Variants in WFDC10B observed in about 807,000 individuals in gnomAD.
WFDC10B encodes the protein protein WFDC10B.
In WFDC10B, 1 loss-of-function variant was observed where a neutral mutation model predicts 2.7. The ratio of observed to expected loss-of-function variants is 0.38; its 90% confidence interval spans 0.13 to 1.79. The LOEUF (loss-of-function observed/expected upper bound fraction) is 1.79. Among genes scored for constraint, WFDC10B ranks in the 40% most tolerant of loss-of-function variants. The pLI, the probability that WFDC10B is intolerant of heterozygous loss-of-function variation, is 0.33. For synonymous variants in WFDC10B, 26 were observed against 32.2 expected, an observed-to-expected ratio of 0.81 and a Z score of 0.65; for missense variants, 71 against 87.8, an observed-to-expected ratio of 0.81 and a Z score of 0.76.
chr20:45,695,599 T>C (rs776691146), intron 2 of WFDC10B, among the ~76,000 whole-genome samples: 2 of 152,096 alleles, frequency 1.3e-5, no homozygotes, highest in South Asian at 4.1e-4. Flanking sequence ...TAGAAATCAA[T>C]AAGAGAAGGA....
intron 2 of WFDC10B, chr20:45,702,058 C>A (rs1004182552): frequency 6.7e-7 from 1 of 1,485,980 alleles, no homozygotes; most frequent in Non-Finnish European, 9.2e-7. Flanking sequence ...CTCTTCTCCT[C>A]ACAGCAGTGC....
At position 45,685,936 on chromosome 20, in the gene WFDC10B, G is replaced by C. The variant is rs946366912; in HGVS notation, c.57C>G (p.Ala19=). 16 of 1,614,110 alleles carry C rather than the reference G, an allele frequency of 9.9e-6. No homozygotes were observed. The highest frequency in any genetic ancestry group is 2.2e-5 in the East Asian group (1 of 44,876). Residue 19 remains alanine, a synonymous_variant, in exon 3 of 4, where the codon GCC becomes GCG. Transcript: ENST00000330523. ...TCATCTTGTCACGGTATCCTCCCTGGGCCTGCAGCAGCAGCACACAGAGAA... is the reference window on the plus strand; with the variant it reads ...TCATCTTGTCACGGTATCCTCCCTGCGCCTGCAGCAGCAGCACACAGAGAA... ...VLVLCVLLLQ[A]QGGYRDKMRM... is the part of the protein sequence containing the mutation.
chr20:45,694,331 G>A (rs1600959382), intron 2 of WFDC10B, among the ~76,000 whole-genome samples: 2 of 152,054 alleles, frequency 1.3e-5, no homozygotes, highest in East Asian at 3.9e-4. Flanking sequence ...AAGAGGCCCA[G>A]TTTCAATTTT....
chr20:45,687,002 A>G (rs2145634089), intron 2 of WFDC10B, among the ~76,000 whole-genome samples: 1 of 152,238 alleles, frequency 6.6e-6, no homozygotes, highest in East Asian at 1.9e-4. Context: ...ACAAAACTCT[A>G]TATGATTGAG....
chr20:45,692,214 C>A (rs1179736262), intron 2 of WFDC10B, among the ~76,000 whole-genome samples: 1 of 152,168 alleles, frequency 6.6e-6, no homozygotes, highest in Admixed American at 6.5e-5. Flanking sequence ...CACTGTTAGT[C>A]TGATGGGCTT....
chr20:45,700,526 G>C (rs1984121816), intron 2 of WFDC10B, among the ~76,000 whole-genome samples: 1 of 152,018 alleles, frequency 6.6e-6, no homozygotes, highest in Admixed American at 6.6e-5. Context: ...CATAGAAATG[G>C]CTTAATGTTT....
intron 2 of WFDC10B, chr20:45,702,067 G>A: frequency 6.5e-7 from 1 of 1,534,714 alleles, no homozygotes; most frequent in South Asian, 1.2e-5. Context: ...TCACAGCAGT[G>A]CCTGGTCAAA....
chr20:45,685,201 C>T (rs780921141), intron 3 of WFDC10B, among the ~76,000 whole-genome samples: 8 of 152,128 alleles, frequency 5.3e-5, no homozygotes, highest in Non-Finnish European at 1.0e-4. Flanking sequence ...CCTGGACTCT[C>T]GCCATACACC....
chr20:45,694,420 T>C (rs568267367), intron 2 of WFDC10B, among the ~76,000 whole-genome samples: 11 of 152,264 alleles, frequency 7.2e-5, no homozygotes, highest in African/African-American at 2.4e-4. Context: ...TGTCAAATAT[T>C]GTTAAAAGAA....
chr20:45,686,194 G>C, intron 2 of WFDC10B, 138 bp from the exon 3 acceptor site: 1 of 981,320 alleles, frequency 1.0e-6, no homozygotes, highest in Non-Finnish European at 1.4e-6. Context: ...TGTAGGATAG[G>C]GCTTCTGCAG....
At chr20:45,686,830 G>A (rs1472439076) in intron 2 of WFDC10B, among the ~76,000 whole-genome samples, 1 of 151,854 alleles carries the variant, frequency 6.6e-6, no homozygotes, top group Non-Finnish European at 1.5e-5. Flanking sequence ...CCAGATAATT[G>A]TTGTATTTTT....
chr20:45,704,661 T>C, intron 1 of WFDC10B, 100 bp from the exon 2 acceptor site: 2 of 1,573,596 alleles, frequency 1.3e-6, no homozygotes, highest in South Asian at 2.4e-5. Flanking sequence ...GAAGAGTCCC[T>C]TACCAGCAAC....
At chr20:45,687,769 T>C (rs1234262938) in intron 2 of WFDC10B, among the ~76,000 whole-genome samples, 2 of 152,112 alleles carry the variant, frequency 1.3e-5, no homozygotes, top group South Asian at 2.1e-4. Flanking sequence ...TCAGCTTTTT[T>C]TCATGTTTAT....
At chr20:45,685,846 C>T (rs901376844) in intron 3 of WFDC10B, 56 bp downstream of exon 3, 6 of 1,600,532 alleles carry the variant, frequency 3.7e-6, no homozygotes, top group South Asian at 2.2e-5. Flanking sequence ...CTGGACACAG[C>T]TCCTCCATTC....
chr20:45,701,764 C>CA (rs11480724), intron 2 of WFDC10B, among the ~76,000 whole-genome samples: 20,363 of 88,826 alleles, frequency 0.23, 2,042 homozygotes, highest in East Asian at 0.41. Context: ...TCCATCATCT[C>CA]AAAAAAAAAA....
chr20:45,689,431 C>T (rs1983736122), intron 2 of WFDC10B, among the ~76,000 whole-genome samples: 1 of 151,920 alleles, frequency 6.6e-6, no homozygotes, highest in African/African-American at 2.4e-5. Flanking sequence ...TTACCTTGGG[C>T]AGTATGGCCA....
rs746007378 is a variant in WFDC10B at position 45,704,546 on chromosome 20, C to T, written c.-114G>A. 1.2e-6 allele frequency: 2 copies of T among 1,614,198 alleles called. No individual in the cohort carries two copies. The highest frequency in any genetic ancestry group is 1.7e-6 in the Non-Finnish European group (2 of 1,180,044). The stretch of plus-strand genomic sequence containing the variant: ...GAGAAAGGATTTCAGTGCTGTTCCT[C>T]CTTCTGTGGGATAGTCTGTTCATCA... On this transcript the variant is annotated 5_prime_UTR_variant, in exon 2 of 4. Coordinates refer to ENST00000330523, the MANE Select transcript of WFDC10B (RefSeq NM_172006.2).
chr20:45,698,429 G>A (rs1262400962), intron 2 of WFDC10B, among the ~76,000 whole-genome samples: 1 of 151,840 alleles, frequency 6.6e-6, no homozygotes, highest in East Asian at 1.9e-4. Flanking sequence ...AAAAAAAATC[G>A]GACTTCATCA....
At chr20:45,686,813 A>G (rs2145633974) in intron 2 of WFDC10B, among the ~76,000 whole-genome samples, 1 of 152,170 alleles carries the variant, frequency 6.6e-6, no homozygotes, top group South Asian at 2.1e-4. Flanking sequence ...AGCATGTGCC[A>G]TCACACCCAG....
Sources: allele counts gnomAD v4.1 joint callset (sites outside exome capture counted in the v4.1 genomes callset), GRCh38; gene constraint gnomAD v4.1.1; transcripts MANE v1.5; gene names NCBI Gene and HGNC (gene_info 2026-07-23, HGNC 2026-07-21).